Variants in CDC20B observed in about 807,000 individuals in gnomAD.
CDC20B encodes the protein cell division cycle 20B.
CDC20B carries 58 observed loss-of-function variants against 64.1 expected under a neutral mutation model. The observed-to-expected ratio is 0.90, with a 90% CI of 0.73 to 1.13. The LOEUF is 1.13. Ranked by LOEUF, CDC20B falls within the 50% of genes most tolerant of loss-of-function variation. CDC20B has a pLI of 0.00. For synonymous variants in CDC20B, 243 were observed against 230.6 expected (o/e 1.05, Z -0.49); for missense variants, 597 against 633.0 (o/e 0.94, Z 0.61).
At chr5:55,158,429 A>G (rs1448035745) in intron 2 of CDC20B, among the ~76,000 whole-genome samples, 1 of 152,144 alleles carries the variant, frequency 6.6e-6, no homozygotes, top group African/African-American at 2.4e-5. Flanking sequence ...CTGCATAATC[A>G]TTGCTTTTTC....
chr5:55,151,175 T>TG (rs2111901286), intron 2 of CDC20B, among the ~76,000 whole-genome samples: 1 of 152,376 alleles, frequency 6.6e-6, no homozygotes, highest in South Asian at 2.1e-4. Context: ...GCTTGTGTTT[T>TG]AGCCACAGCA....
chr5:55,153,240 T>TAAAAAAA (rs1206577177), intron 2 of CDC20B, among the ~76,000 whole-genome samples: 6 of 87,614 alleles, frequency 6.8e-5, no homozygotes, highest in African/African-American at 3.1e-4. Flanking sequence ...CCTTGTCTCA[T>TAAAAAAA]AAAAAAAAAA....
intron 2 of CDC20B, among the ~76,000 whole-genome samples, chr5:55,147,923 C>T (rs1743543020): frequency 1.3e-5 from 2 of 152,186 alleles, no homozygotes; most frequent in South Asian, 4.1e-4. Flanking sequence ...ATTTGCTCAA[C>T]ATCTGTCCAT....
chr5:55,136,701 G>C (rs762798027), intron 5 of CDC20B: 2 of 152,144 alleles, frequency 1.3e-5, no homozygotes, highest in Admixed American at 6.5e-5. Context: ...TATTCCAGAG[G>C]GGAAATGTAG....
intron 6 of CDC20B, 132 bp from the exon 7 acceptor site, chr5:55,128,749 C>T: frequency 1.7e-6 from 1 of 604,276 alleles, no homozygotes; most frequent in Non-Finnish European, 2.6e-6. Flanking sequence ...AAACATGGAA[C>T]CATGAAAATC....
intron 11 of CDC20B, among the ~76,000 whole-genome samples, chr5:55,117,039 C>T (rs1302347954): frequency 2.6e-5 from 4 of 152,108 alleles, no homozygotes; most frequent in Admixed American, 1.3e-4. Context: ...AGCATGAAAA[C>T]GTTGTCTTCT....
chr5:55,119,911 G>C lies in CDC20B; in HGVS notation c.1349C>G (p.Ser450Cys). The change falls in exon 11 of 12, where the codon TCC (serine) becomes TGC (cysteine). Residue 450 changes from serine (S) to cysteine (C), a missense_variant. By Grantham distance (112) the Ser-to-Cys change is moderately radical. Transcript: ENST00000381375. ...CTTTGTCTTAGGTAGCCAGATTAAGGAACAAATCTGTAATAATGATCAAAA... is the reference window on the plus strand; with the variant it reads ...CTTTGTCTTAGGTAGCCAGATTAAGCAACAAATCTGTAATAATGATCAAAA... ...QTPSTNSQIC[S>C]LIWLPKTKEI... 6.3e-7 allele frequency: 1 copy of C among 1,598,810 alleles called. No homozygotes were observed. Among genetic ancestry groups the C allele is most frequent in the Non-Finnish European group, 8.6e-7 (1 of 1,166,208 alleles).
chr5:55,133,941 A>T (rs1743092094), intron 5 of CDC20B, among the ~76,000 whole-genome samples: 1 of 152,172 alleles, frequency 6.6e-6, no homozygotes, highest in Non-Finnish European at 1.5e-5. Flanking sequence ...TCATCAATAA[A>T]TATTTATTGA....
At chr5:55,130,051 TGAAGAAAAACACA>T (rs1742990447) in intron 6 of CDC20B, among the ~76,000 whole-genome samples, 1 of 152,094 alleles carries the variant, frequency 6.6e-6, no homozygotes, top group Non-Finnish European at 1.5e-5. Flanking sequence ...CTCCATGAAG[TGAAGAAAAACACA>T]CATGAAATGA....
chr5:55,124,708 T>C (rs1048227582), intron 9 of CDC20B, 95 bp downstream of exon 9: 5 of 1,075,010 alleles, frequency 4.7e-6, no homozygotes, highest in African/African-American at 3.2e-5. Context: ...AAGAAAAATC[T>C]CAAAATATTG....
chr5:55,117,275 A>G (rs767365746), intron 11 of CDC20B, among the ~76,000 whole-genome samples: 1 of 152,150 alleles, frequency 6.6e-6, no homozygotes, highest in Non-Finnish European at 1.5e-5. Flanking sequence ...AAAAATCATG[A>G]CTATGGTTAA....
chr5:55,121,950 T>C (rs1391581705), intron 9 of CDC20B, among the ~76,000 whole-genome samples: 1 of 152,212 alleles, frequency 6.6e-6, no homozygotes, highest in South Asian at 2.1e-4. Flanking sequence ...GAATATACAA[T>C]AGTTGCTCTC....
intron 5 of CDC20B, among the ~76,000 whole-genome samples, chr5:55,134,691 C>T (rs551707484): frequency 3.4e-4 from 51 of 152,000 alleles, no homozygotes; most frequent in African/African-American, 1.2e-3. Flanking sequence ...GAGCCAGGAG[C>T]GCCACTCCAC....
chr5:55,135,117 G>A (rs866250537), intron 5 of CDC20B, among the ~76,000 whole-genome samples: 1 of 152,102 alleles, frequency 6.6e-6, no homozygotes, highest in Non-Finnish European at 1.5e-5. Flanking sequence ...TGTTGATAAC[G>A]GGGGAGGCTG....
chr5:55,125,053 T>G lies in CDC20B; in HGVS notation c.990-25A>C, dbSNP rs181464727. 4.8e-5 allele frequency: 76 copies of G among 1,576,116 alleles called. No individual in the cohort carries two copies. The African/African-American group carries it at 8.7e-4, about 18-fold the overall frequency. On this transcript the variant is annotated intron_variant, in intron 8 of 11. Transcript: ENST00000381375. Reference sequence around the variant, plus strand: ...ACTGCGAGTTTACATAACAAAAAAATTAAGCCCTGTTGCTACATAAACATT... The same window carrying G: ...ACTGCGAGTTTACATAACAAAAAAAGTAAGCCCTGTTGCTACATAAACATT...
At chr5:55,123,024 GATACT>G (rs559144013) in intron 9 of CDC20B, among the ~76,000 whole-genome samples, 61 of 152,300 alleles carry the variant, frequency 4.0e-4, no homozygotes, top group African/African-American at 1.4e-3. Flanking sequence ...TAACCAGACA[GATACT>G]ATAAACAGAA....
chr5:55,152,365 C>T (rs1475436914), intron 2 of CDC20B, among the ~76,000 whole-genome samples: 1 of 152,244 alleles, frequency 6.6e-6, no homozygotes, highest in Non-Finnish European at 1.5e-5. Context: ...GCATGACCAC[C>T]TTGTGCTAAT....
intron 2 of CDC20B, 35 bp from the exon 3 acceptor site, chr5:55,146,891 G>T: frequency 6.6e-7 from 1 of 1,525,026 alleles, no homozygotes; most frequent in Non-Finnish European, 9.1e-7. Flanking sequence ...AAGTCCACTG[G>T]CCTCAGTGAT....
chr5:55,143,421 AAG>A, intron 4 of CDC20B, 90 bp downstream of exon 4: 1 of 1,303,824 alleles, frequency 7.7e-7, no homozygotes. Context: ...ATTGATTGGT[AAG>A]AGAACTAAGC....
Sources: gnomAD v4.1 joint callset for allele counts (sites outside exome capture counted in the v4.1 genomes callset) on GRCh38, gnomAD v4.1.1 for gene constraint, MANE v1.5 for transcripts, NCBI Gene and HGNC (gene_info 2026-07-23, HGNC 2026-07-21) for gene names.